The following SFSWAP variants were observed in gnomAD, a reference collection of about 807,000 sequenced individuals.
The protein encoded by SFSWAP is splicing factor, suppressor of white-apricot homolog.
In SFSWAP, 17 loss-of-function variants were observed where a neutral mutation model predicts 100.7. That is an observed-to-expected ratio of 0.17 (90% CI 0.12 to 0.25). SFSWAP has a LOEUF of 0.25. Ranked by LOEUF, SFSWAP falls within the 10% of genes least tolerant of loss-of-function variation. The pLI is 1.00. For synonymous variants in SFSWAP, 504 were observed against 510.1 expected (o/e 0.99, Z 0.16); for missense variants, 1,005 against 1,262.6 (o/e 0.80, Z 3.09).
At chr12:131,783,396 TA>T (rs1208112459) in intron 14 of SFSWAP, 6 of 152,210 alleles carry the variant, frequency 3.9e-5, no homozygotes, top group African/African-American at 1.2e-4. Context: ...TTTAGTTATC[TA>T]AATGCATCTT....
chr12:131,725,474 T>G lies in SFSWAP; in HGVS notation c.676T>G (p.Phe226Val), dbSNP rs2136187666. 1 of 1,614,096 alleles carries G rather than the reference T, an allele frequency of 6.2e-7. No homozygotes were observed. The highest frequency in any genetic ancestry group is 1.6e-4 in the Middle Eastern group (1 of 6,062). Residue 226 changes from phenylalanine (F) to valine (V), a missense_variant, in exon 5 of 18, where the codon TTT becomes GTT. Coordinates refer to ENST00000261674, the MANE Select transcript of SFSWAP (RefSeq NM_004592.4). This position sits in a 1 kb window ranked among gnomAD's most constrained non-coding sequence, Gnocchi z 4.3. ...ASFVCRQGAQ[F>V]EIMLKAKQAR... ...CTTCGTGTGCAGGCAGGGAGCACAG[T>G]TTGAGATCATGCTGAAGGCCAAGCA...
At chr12:131,742,156 T>C (rs1297783984) in intron 7 of SFSWAP, among the ~76,000 whole-genome samples, 1 of 152,180 alleles carries the variant, frequency 6.6e-6, no homozygotes, top group African/African-American at 2.4e-5. Flanking sequence ...TCACAGCATA[T>C]GTGTCAGGCA....
chr12:131,773,287 G>A (rs910342045), intron 13 of SFSWAP, among the ~76,000 whole-genome samples: 4 of 152,050 alleles, frequency 2.6e-5, no homozygotes, highest in African/African-American at 7.3e-5. Context: ...TTTTTCATGC[G>A]GTCATTTACA....
At position 131,797,276 on chromosome 12, in the gene SFSWAP, G is replaced by A. The variant is rs777889801; in HGVS notation, c.2633G>A (p.Arg878Gln). The A allele has an allele frequency of 1.4e-5, 22 of 1,612,104 alleles. No individual in the cohort carries two copies. Among genetic ancestry groups the A allele is most frequent in the African/African-American group, 4.0e-5 (3 of 74,902 alleles). ...TCACCCAGCAAGCAGGCAGCGCCCCGGCCCGCGGCCCCCGCGGCCCACTCG... is the reference window on the plus strand; with the variant it reads ...TCACCCAGCAAGCAGGCAGCGCCCCAGCCCGCGGCCCCCGCGGCCCACTCG... ...SVSPSKQAAPRPAAPAAHSAH... is the reference protein window; with the variant it reads ...SVSPSKQAAPQPAAPAAHSAH... Residue 878 changes from arginine to glutamine, a missense_variant, in exon 16 of 18, where the codon CGG becomes CAG. Physicochemically the swap from Arg to Gln is conservative, Grantham distance 43. Coordinates refer to ENST00000261674, the MANE Select transcript of SFSWAP (RefSeq NM_004592.4).
chr12:131,744,850 G>A (rs961811923), intron 7 of SFSWAP, among the ~76,000 whole-genome samples: 4 of 152,240 alleles, frequency 2.6e-5, no homozygotes, highest in African/African-American at 9.6e-5. Context: ...GCAAGGAGGA[G>A]CAAAGTCATG....
In SFSWAP at chr12:131,728,289, C is replaced by T; in HGVS notation, c.946-4C>T. The T allele has an allele frequency of 6.2e-7, 1 of 1,614,122 alleles. No homozygotes were observed. The highest frequency in any genetic ancestry group is 8.5e-7 in the Non-Finnish European group (1 of 1,179,984). ...TGCTAAGGCTGTGTCTTCTCTGTTT[C>T]CAGCCCTTGAAGGTAGTGGACCCAG... On this transcript the variant is annotated splice_region_variant and splice_polypyrimidine_tract_variant and intron_variant, in intron 6 of 17. Transcript: ENST00000261674.
intron 6 of SFSWAP, among the ~76,000 whole-genome samples, chr12:131,727,552 C>T (rs185310689): frequency 7.2e-5 from 11 of 152,054 alleles, no homozygotes; most frequent in East Asian, 5.8e-4. Flanking sequence ...GGCTGAGGCA[C>T]GAGAATTGCT....
chr12:131,712,807 A>G (rs368429098), intron 1 of SFSWAP: 19 of 152,228 alleles, frequency 1.2e-4, no homozygotes, highest in East Asian at 1.2e-3. Context: ...CCAAAGTGTC[A>G]CTTGTGTTAT....
chr12:131,768,047 G>C (rs890718548), intron 13 of SFSWAP, among the ~76,000 whole-genome samples: 1 of 152,254 alleles, frequency 6.6e-6, no homozygotes, highest in East Asian at 1.9e-4. Context: ...GCGCGTGCTC[G>C]CTCATCTATA....
intron 1 of SFSWAP, 84 bp from the exon 2 acceptor site, chr12:131,713,987 T>C: frequency 1.1e-6 from 1 of 898,084 alleles, no homozygotes; most frequent in East Asian, 2.6e-5. Context: ...TGTGTGTATA[T>C]ATATATACAT....
intron 10 of SFSWAP, among the ~76,000 whole-genome samples, chr12:131,756,159 A>G (rs1420837443): frequency 6.6e-6 from 1 of 152,246 alleles, no homozygotes; most frequent in African/African-American, 2.4e-5. Context: ...GATGGGGATA[A>G]TTTGGTATTT....
intron 7 of SFSWAP, among the ~76,000 whole-genome samples, chr12:131,735,595 A>G (rs941311599): frequency 6.6e-6 from 1 of 152,192 alleles, no homozygotes; most frequent in Non-Finnish European, 1.5e-5. Context: ...AAACAGGTCT[A>G]CACATGCTGT....
chr12:131,763,087 AGTT>A (rs2136235583), intron 11 of SFSWAP, among the ~76,000 whole-genome samples: 1 of 152,224 alleles, frequency 6.6e-6, no homozygotes, highest in Admixed American at 6.5e-5. Context: ...CCCCTGAGGC[AGTT>A]GTTGATGAAA....
chr12:131,776,806 A>G (rs1349560877), intron 13 of SFSWAP, among the ~76,000 whole-genome samples: 2 of 152,244 alleles, frequency 1.3e-5, no homozygotes, highest in African/African-American at 2.4e-5. Flanking sequence ...AATGTTTAAC[A>G]GCTATAATTT....
chr12:131,753,580 T>G lies in SFSWAP; in HGVS notation c.1322+217T>G, dbSNP rs73160781. The stretch of plus-strand genomic sequence containing the variant: ...TTTAGCATTGAAGTTAAACCACTTA[T>G]AAAGTTGAATTCATTTCACGTCGCA... On this transcript the variant is annotated intron_variant, in intron 8 of 17. Transcript: ENST00000261674. The G allele has an allele frequency of 3.7e-5, 22 of 601,946 alleles. No individual in the cohort carries two copies. In the African/African-American group the frequency reaches 4.0e-4, roughly 11 times the overall value. 37.3% of individuals were successfully genotyped at this position (601,946 alleles called of 1,614,324 possible). A position where few individuals can be genotyped will look rare whatever the true frequency, so the allele number is the denominator to read the frequency against.
intron 7 of SFSWAP, among the ~76,000 whole-genome samples, chr12:131,740,201 C>T (rs1880469644): frequency 6.6e-6 from 1 of 152,154 alleles, no homozygotes; most frequent in African/African-American, 2.4e-5. Context: ...TTTCATTGCT[C>T]CTATGCTGCT....
At chr12:131,731,004 C>T (rs928675823) in intron 7 of SFSWAP, among the ~76,000 whole-genome samples, 3 of 152,182 alleles carry the variant, frequency 2.0e-5, no homozygotes, top group Non-Finnish European at 1.5e-5. Context: ...GGTCAGAGCC[C>T]TCCTATGAGC....
chr12:131,761,062 A>C (rs1023165998), intron 11 of SFSWAP, among the ~76,000 whole-genome samples: 1 of 152,080 alleles, frequency 6.6e-6, no homozygotes, highest in Non-Finnish European at 1.5e-5. Flanking sequence ...AAAGAGCGAA[A>C]CTCCGTCTCA....
chr12:131,732,344 G>C (rs1233263616), intron 7 of SFSWAP, among the ~76,000 whole-genome samples: 1 of 152,248 alleles, frequency 6.6e-6, no homozygotes, highest in African/African-American at 2.4e-5. Context: ...AGCCTGTACA[G>C]ATCTCCCGAA....
Sources: allele counts gnomAD v4.1 joint callset (sites outside exome capture counted in the v4.1 genomes callset), GRCh38; gene constraint gnomAD v4.1.1; non-coding constraint Gnocchi (gnomAD v3.1); transcripts MANE v1.5; gene names NCBI Gene and HGNC (gene_info 2026-07-23, HGNC 2026-07-21).